The following MAN2A1 variants were observed in gnomAD, a reference collection of about 807,000 sequenced individuals.
MAN2A1 encodes the protein mannosidase alpha class 2A member 1.
A neutral mutation model predicts 142.6 loss-of-function variants in MAN2A1; 76 were observed. That is an observed-to-expected ratio of 0.53 (90% CI 0.44 to 0.65). MAN2A1 has a LOEUF of 0.65. MAN2A1 is among the 30% of genes least tolerant of loss of function. The probability of loss-of-function intolerance (pLI) is 0.00; values close to 1 mark genes in which losing one functional copy is unlikely to be tolerated. For missense variants in MAN2A1, 1,311 were observed against 1,365.1 expected (o/e 0.96, Z 0.62); for synonymous variants, 559 against 473.2 (o/e 1.18, Z -2.35).
At chr5:109,836,282 G>A (rs1021965571) in intron 16 of MAN2A1, among the ~76,000 whole-genome samples, 4 of 149,250 alleles carry the variant, frequency 2.7e-5, no homozygotes, top group African/African-American at 1.0e-4. Flanking sequence ...GCTAATTTTT[G>A]TGGGGTTTTT....
At chr5:109,690,690 G>T in intron 1 of MAN2A1, 138 bp downstream of exon 1, 6 of 967,416 alleles carry the variant, frequency 6.2e-6, no homozygotes, top group Non-Finnish European at 9.1e-6. Context: ...TGTAGCTCTC[G>T]GACGGCAATG....
intron 2 of MAN2A1, 28 bp downstream of exon 2, chr5:109,713,802 T>G (rs1391281624): frequency 1.3e-6 from 2 of 1,536,672 alleles, no homozygotes; most frequent in South Asian, 1.2e-5. Flanking sequence ...TAATAATCAC[T>G]GGCCTTTTTT....
chr5:109,717,708 T>C (rs183704058), intron 3 of MAN2A1, among the ~76,000 whole-genome samples: 1 of 152,190 alleles, frequency 6.6e-6, no homozygotes, highest in Non-Finnish European at 1.5e-5. Flanking sequence ...GAGGCAGGTA[T>C]CTTGGCTCTG....
Position 109,865,650 on chromosome 5 carries a change from G to T in MAN2A1, c.3282+504G>T, listed in dbSNP as rs149422923. Among the ~76,000 whole-genome samples the T allele has an allele frequency of 2.8e-3, 422 of 152,324 alleles. 3 individuals carry two copies. Among genetic ancestry groups the T allele is most frequent in the African/African-American group, 9.7e-3 (405 of 41,582 alleles). ...CAGCTGTACGTAGCGCCAATCAGTT[G>T]TTTTCCCTTGGGAAATAAATGTAGG... On this transcript the variant is annotated intron_variant, in intron 21 of 21. Coordinates refer to ENST00000261483, the MANE Select transcript of MAN2A1 (RefSeq NM_002372.4).
intron 4 of MAN2A1, among the ~76,000 whole-genome samples, chr5:109,740,865 T>C (rs537482834): frequency 5.3e-5 from 8 of 152,322 alleles, no homozygotes; most frequent in Non-Finnish European, 1.0e-4. Flanking sequence ...ATGGCCTGTT[T>C]CTCCTGACTC....
At chr5:109,819,208 G>A (rs1431420740) in intron 13 of MAN2A1, among the ~76,000 whole-genome samples, 1 of 152,162 alleles carries the variant, frequency 6.6e-6, no homozygotes, top group Non-Finnish European at 1.5e-5. Context: ...GCTAATTTAA[G>A]TGTTCTGAGT....
chr5:109,695,397 A>G (rs143883156), intron 1 of MAN2A1, among the ~76,000 whole-genome samples: 7 of 152,330 alleles, frequency 4.6e-5, no homozygotes, highest in African/African-American at 7.2e-5. Context: ...AGTGGCTAAA[A>G]TGACCACTTT....
chr5:109,714,327 TAC>T (rs1044913715), intron 2 of MAN2A1, among the ~76,000 whole-genome samples: 2 of 152,228 alleles, frequency 1.3e-5, no homozygotes, highest in Non-Finnish European at 2.9e-5. Context: ...AAGTGTAATG[TAC>T]ACACACAGTG....
chr5:109,695,982 A>G (rs1267537184), intron 1 of MAN2A1, among the ~76,000 whole-genome samples: 2 of 152,198 alleles, frequency 1.3e-5, no homozygotes, highest in South Asian at 4.1e-4. Flanking sequence ...ATAGGGAGGA[A>G]GTAAATCATT....
chr5:109,751,839 A>G (rs1752557168), intron 4 of MAN2A1, among the ~76,000 whole-genome samples: 1 of 149,412 alleles, frequency 6.7e-6, no homozygotes, highest in Non-Finnish European at 1.5e-5. Context: ...TTGATCTTTG[A>G]CTCTCCTTTT....
intron 10 of MAN2A1, 35 bp downstream of exon 10, chr5:109,784,961 A>G (rs761150926): frequency 1.4e-5 from 20 of 1,470,338 alleles, no homozygotes; most frequent in Non-Finnish European, 1.8e-5. Flanking sequence ...CTTTAAAAAA[A>G]TCATTAAAAT....
At chr5:109,814,637 C>A (rs1002213110) in intron 12 of MAN2A1, among the ~76,000 whole-genome samples, 2 of 152,086 alleles carry the variant, frequency 1.3e-5, no homozygotes, top group South Asian at 2.1e-4. Context: ...TCATTCAGTA[C>A]AGTAGAAACA....
intron 13 of MAN2A1, among the ~76,000 whole-genome samples, chr5:109,818,589 CTTGT>C: frequency 6.6e-6 from 1 of 152,058 alleles, no homozygotes; most frequent in East Asian, 1.9e-4. Context: ...CTAATGCTAA[CTTGT>C]TTAATATTTA....
In MAN2A1 at chr5:109,868,854, A is replaced by G. The variant is rs1192283511; in HGVS notation, c.*1856A>G. On this transcript the variant is annotated 3_prime_UTR_variant, in exon 22 of 22. Transcript: ENST00000261483. ...GATCAGTATTTTCATTGCATCTTAA[A>G]TGTATAACCTTCCTGTGGGAGTTCA... 1 of 152,182 alleles carries G rather than the reference A, an allele frequency of 6.6e-6. No individual in the cohort carries two copies. Among genetic ancestry groups the G allele is most frequent in the Non-Finnish European group, 1.5e-5 (1 of 68,024 alleles). The allele number at this position is 152,182 out of a possible 1,614,324, so 9.4% of individuals were successfully genotyped here. A position where few individuals can be genotyped will look rare whatever the true frequency, so the allele number is the denominator to read the frequency against.
intron 16 of MAN2A1, among the ~76,000 whole-genome samples, chr5:109,839,412 T>G (rs1755141378): frequency 6.6e-6 from 1 of 152,164 alleles, no homozygotes; most frequent in Non-Finnish European, 1.5e-5. Flanking sequence ...GTGGAGATAT[T>G]TGGGTCATCT....
intron 8 of MAN2A1, among the ~76,000 whole-genome samples, chr5:109,777,186 G>T (rs1753317139): frequency 6.6e-6 from 1 of 152,082 alleles, no homozygotes; most frequent in African/African-American, 2.4e-5. Flanking sequence ...CAAAATAGAT[G>T]CATCAATTGT....
At chr5:109,732,780 T>G (rs1198518150) in intron 4 of MAN2A1, among the ~76,000 whole-genome samples, 1 of 152,162 alleles carries the variant, frequency 6.6e-6, no homozygotes. Context: ...GTAGTATAGT[T>G]TGAAGTCAGG....
intron 20 of MAN2A1, among the ~76,000 whole-genome samples, chr5:109,856,725 A>T (rs1755613070): frequency 6.6e-6 from 1 of 152,206 alleles, no homozygotes; most frequent in African/African-American, 2.4e-5. Flanking sequence ...TTGGCTATGC[A>T]GGCAAACATA....
chr5:109,783,101 G>T (rs1454735655), intron 9 of MAN2A1, among the ~76,000 whole-genome samples: 1 of 152,006 alleles, frequency 6.6e-6, no homozygotes, highest in African/African-American at 2.4e-5. Context: ...TGTAGAGATC[G>T]TTTTGGACCA....
Sources: gnomAD v4.1 joint callset for allele counts (sites outside exome capture counted in the v4.1 genomes callset) on GRCh38, gnomAD v4.1.1 for gene constraint, MANE v1.5 for transcripts, NCBI Gene and HGNC (gene_info 2026-07-23, HGNC 2026-07-21) for gene names.